Variants in LRP1B observed in about 807,000 individuals in gnomAD.
The protein encoded by LRP1B is low-density lipoprotein receptor-related protein 1B.
Under a neutral mutation model 556.6 loss-of-function variants are expected in LRP1B, and 217 were observed. That is an observed-to-expected ratio of 0.39 (90% CI 0.35 to 0.44). The LOEUF (loss-of-function observed/expected upper bound fraction) is 0.44, where lower values mean the gene tolerates loss of function less well. LRP1B is among the 20% of genes least tolerant of loss of function. The pLI is 1.00. For synonymous variants in LRP1B, 2,047 were observed against 1,865.8 expected (o/e 1.10, Z -2.50); for missense variants, 5,053 against 5,620.8 (o/e 0.90, Z 3.23).
At chr2:141,627,831 A>T (rs1688758006) in intron 2 of LRP1B, among the ~76,000 whole-genome samples, 1 of 152,212 alleles carries the variant, frequency 6.6e-6, no homozygotes, top group Admixed American at 6.5e-5. Context: ...TAACAAATGC[A>T]TCACCCTGGT....
chr2:141,390,138 CTAAA>C (rs1689993761), intron 3 of LRP1B, among the ~76,000 whole-genome samples: 1 of 151,958 alleles, frequency 6.6e-6, no homozygotes, highest in East Asian at 1.9e-4. Context: ...AACTCCATTT[CTAAA>C]TAAATAAATA....
intron 11 of LRP1B, among the ~76,000 whole-genome samples, chr2:141,024,745 A>G (rs759256539): frequency 3.3e-5 from 5 of 152,020 alleles, no homozygotes; most frequent in Admixed American, 6.6e-5. Context: ...TTTATTACTC[A>G]TGGCACAACA....
At chr2:141,210,563 G>A (rs1174032916) in intron 6 of LRP1B, among the ~76,000 whole-genome samples, 1 of 152,050 alleles carries the variant, frequency 6.6e-6, no homozygotes, top group East Asian at 1.9e-4. Flanking sequence ...CCAAGTTTCT[G>A]ATTGGTAGAT....
At chr2:140,364,554 C>A in intron 72 of LRP1B, 107 bp downstream of exon 72, 3 of 1,327,620 alleles carry the variant, frequency 2.3e-6, no homozygotes, top group Non-Finnish European at 2.1e-6. Context: ...ATCTACCTAA[C>A]CCCAGGATGG....
At chr2:140,341,261 T>C (rs1280016903) in intron 77 of LRP1B, among the ~76,000 whole-genome samples, 1 of 151,662 alleles carries the variant, frequency 6.6e-6, no homozygotes, top group Non-Finnish European at 1.5e-5. Context: ...GATCATTTTC[T>C]TGCCAGCTTC....
intron 7 of LRP1B, among the ~76,000 whole-genome samples, chr2:141,116,496 T>A (rs554867881): frequency 1.5e-4 from 23 of 152,294 alleles, no homozygotes; most frequent in Admixed American, 5.2e-4. Flanking sequence ...TAAATTTTAA[T>A]GAGGCTTATC....
Position 140,501,816 on chromosome 2 carries a change from T to A in LRP1B, c.8721A>T (p.Gly2907=). The change falls in exon 55 of 91, where the codon GGA becomes GGT. Residue 2907 remains glycine (G), a synonymous_variant. Transcript: ENST00000389484. The part of the protein sequence containing the change: ...MCKNGRCIPS[G]GLCDNKDDCG... ...AGTCATCCTTATTGTCGCAAAGACC[T>A]CCACTGGGAATGCACCTGCCATTTT... 6.2e-7 allele frequency: 1 copy of A among 1,612,470 alleles called. No individual in the cohort carries two copies. The highest frequency in any genetic ancestry group is 1.7e-5 in the Admixed American group (1 of 59,866).
At chr2:141,737,957 T>G (rs2105533889) in intron 2 of LRP1B, among the ~76,000 whole-genome samples, 1 of 152,260 alleles carries the variant, frequency 6.6e-6, no homozygotes. Context: ...ACTAGCCACG[T>G]CTTTAATCTA....
chr2:142,086,640 C>CA lies in LRP1B; in HGVS notation c.82+44007dup, dbSNP rs55654885. Reference sequence around the variant, plus strand: ...ACAAACAAACAAACAAACAAACAAACAAAAAAAAAACACAACTTGTCTCCA... The same window carrying CA: ...ACAAACAAACAAACAAACAAACAAACAAAAAAAAAAACACAACTTGTCTCCA... On this transcript the variant is annotated intron_variant, in intron 1 of 90. Transcript: ENST00000389484. 2.7e-4 allele frequency among the ~76,000 whole-genome samples: 40 copies of CA among 147,750 alleles called. 1 individual carries two copies. Among genetic ancestry groups the CA allele is most frequent in the African/African-American group, 7.4e-4 (29 of 38,962 alleles).
chr2:140,639,646 C>T lies in LRP1B; in HGVS notation c.6800-38007G>A, dbSNP rs553580113. ...GGTTTCCCTTTTCTACTCTATTTTC[C>T]TTCAGTCTCTTTTTCTCCATGCAAG... On this transcript the variant is annotated intron_variant, in intron 41 of 90. Coordinates refer to ENST00000389484, the MANE Select transcript of LRP1B (RefSeq NM_018557.3). 2.6e-5 allele frequency among the ~76,000 whole-genome samples: 4 copies of T among 152,188 alleles called. No homozygotes were observed. The East Asian group carries it at 7.8e-4, about 30-fold the overall frequency.
chr2:140,545,762 A>T (rs1680309285), intron 43 of LRP1B, among the ~76,000 whole-genome samples: 1 of 152,046 alleles, frequency 6.6e-6, no homozygotes, highest in Admixed American at 6.6e-5. Flanking sequence ...GTTTCATATG[A>T]ATTTTAAAAC....
intron 3 of LRP1B, among the ~76,000 whole-genome samples, chr2:141,387,190 G>A (rs535765807): frequency 6.6e-6 from 1 of 151,968 alleles, no homozygotes; most frequent in African/African-American, 2.4e-5. Flanking sequence ...TGTTCATAAG[G>A]AAAGTTGTAG....
intron 21 of LRP1B, among the ~76,000 whole-genome samples, chr2:140,918,186 T>TTGTG (rs61561343): frequency 9.4e-4 from 139 of 147,816 alleles, no homozygotes; most frequent in East Asian, 3.4e-3. Context: ...GATTTCTATT[T>TTGTG]TGTGTGTGTG....
At chr2:140,521,293 G>A (rs974872477) in intron 49 of LRP1B, among the ~76,000 whole-genome samples, 3 of 152,010 alleles carry the variant, frequency 2.0e-5, no homozygotes, top group African/African-American at 7.2e-5. Context: ...TTTGAAAGCA[G>A]CTACAAAAAT....
chr2:140,683,338 A>G (rs552107437), intron 41 of LRP1B: 2 of 462,838 alleles, frequency 4.3e-6, no homozygotes, highest in East Asian at 1.1e-4. Context: ...AACCACCTAC[A>G]AGGCAGAAAA....
At chr2:141,460,617 T>A (rs533749476) in intron 3 of LRP1B, among the ~76,000 whole-genome samples, 1 of 152,206 alleles carries the variant, frequency 6.6e-6, no homozygotes, top group Non-Finnish European at 1.5e-5. Flanking sequence ...ATTGAGAAGA[T>A]AATATATTTA....
intron 1 of LRP1B, among the ~76,000 whole-genome samples, chr2:141,937,504 A>G (rs1239601717): frequency 1.3e-5 from 2 of 151,912 alleles, no homozygotes; most frequent in Admixed American, 6.6e-5. Flanking sequence ...CTATATATAT[A>G]TTATGTAAAT....
chr2:141,810,346 G>A lies in LRP1B; in HGVS notation c.138C>T (p.Val46=), dbSNP rs1696318016. ...EFLCHDHVTC[V]SQSWLCDGDP... ...CCCCATCACACAGCCAGCTCTGGGA[G>A]ACACAAGTCACGTGATCGTGGCAAA... is the stretch of plus-strand genomic sequence containing the variant. The change falls in exon 2 of 91, where the codon GTC becomes GTT. Residue 46 remains valine, a synonymous_variant. Transcript: ENST00000389484. 2 of 1,613,086 alleles carry A rather than the reference G, an allele frequency of 1.2e-6. No individual in the cohort carries two copies. Among genetic ancestry groups the A allele is most frequent in the Non-Finnish European group, 1.7e-6 (2 of 1,179,396 alleles).
intron 3 of LRP1B, among the ~76,000 whole-genome samples, chr2:141,470,565 G>A (rs1287772249): frequency 6.6e-6 from 1 of 152,158 alleles, no homozygotes; most frequent in Non-Finnish European, 1.5e-5. Flanking sequence ...ATATGTTAAG[G>A]CCCAGTAGTC....
Sources: allele counts gnomAD v4.1 joint callset (sites outside exome capture counted in the v4.1 genomes callset), GRCh38; gene constraint gnomAD v4.1.1; transcripts MANE v1.5; gene names NCBI Gene and HGNC (gene_info 2026-07-23, HGNC 2026-07-21).